The following LYRM4 variants were observed in gnomAD, a reference collection of about 807,000 sequenced individuals.
LYRM4 encodes LYR motif containing 4.
Under a neutral mutation model 11.7 loss-of-function variants are expected in LYRM4, and 9 were observed. The ratio of observed to expected loss-of-function variants is 0.77; its 90% confidence interval spans 0.46 to 1.34. LYRM4 has a LOEUF of 1.34. LYRM4 is among the 40% of genes most tolerant of loss of function. The probability of loss-of-function intolerance (pLI) is 0.00; values close to 1 mark genes in which losing one functional copy is unlikely to be tolerated. For synonymous variants in LYRM4, 42 were observed against 40.4 expected (o/e 1.04, Z -0.15); for missense variants, 133 against 112.5 (o/e 1.18, Z -0.82).
At chr6:5,143,891 TG>T (rs1757551660) in intron 2 of LYRM4, among the ~76,000 whole-genome samples, 1 of 152,160 alleles carries the variant, frequency 6.6e-6, no homozygotes, top group Non-Finnish European at 1.5e-5. Flanking sequence ...ATTGTATAAG[TG>T]ATTTATGTAT....
the LYRM4 span, among the ~76,000 whole-genome samples, chr6:5,079,531 C>T: frequency 6.6e-6 from 1 of 152,192 alleles, no homozygotes. Context: ...TGATCCCCTT[C>T]AATTCCCTAT....
At chr6:5,175,007 T>C (rs568281374) in intron 2 of LYRM4, among the ~76,000 whole-genome samples, 1 of 152,366 alleles carries the variant, frequency 6.6e-6, no homozygotes, top group South Asian at 2.1e-4. Context: ...GGATGCGGTC[T>C]ATTTATTGAG....
At chr6:5,037,890 C>G in the LYRM4 span, among the ~76,000 whole-genome samples, 2 of 49,078 alleles carry the variant, frequency 4.1e-5, 1 homozygote, top group Non-Finnish European at 9.2e-5. Context: ...TAGGGGCGGC[C>G]GGGCAAAGGC....
chr6:5,137,600 A>G (rs904347326), intron 2 of LYRM4, among the ~76,000 whole-genome samples: 10 of 152,218 alleles, frequency 6.6e-5, no homozygotes, highest in Admixed American at 6.5e-4. Flanking sequence ...AGTGTCCTTT[A>G]AATAATGACT....
chr6:5,118,101 T>TTTGTTTG lies in LYRM4; in HGVS notation c.208-8611_208-8610insCAAACAA, dbSNP rs749472370. ...AACAATATATATATATATATTTTTG[T>TTTGTTTG]TTTGTTTTGTTTTGTTTTTTTTTTT... On this transcript the variant is annotated intron_variant, in intron 2 of 2. Transcript: ENST00000330636. 5.7e-4 allele frequency among the ~76,000 whole-genome samples: 31 copies of TTTGTTTG among 54,860 alleles called. No homozygotes were observed. The South Asian group carries it at 9.0e-3, about 16-fold the overall frequency. 36.0% of individuals were successfully genotyped at this position (54,860 alleles called of 152,430 possible).
At chr6:5,086,704 T>A in the LYRM4 span, 1 of 704,944 alleles carries the variant, frequency 1.4e-6, no homozygotes, top group Non-Finnish European at 2.3e-6. Context: ...GGAGGGAGAC[T>A]TTGAACCGTC....
At chr6:5,226,109 G>T (rs1762877260) in intron 1 of LYRM4, among the ~76,000 whole-genome samples, 1 of 152,120 alleles carries the variant, frequency 6.6e-6, no homozygotes, top group African/African-American at 2.4e-5. Context: ...TATGTTTATG[G>T]TGCTTTTTAT....
At chr6:5,061,147 G>C in the LYRM4 span, among the ~76,000 whole-genome samples, 16 of 151,960 alleles carry the variant, frequency 1.1e-4, no homozygotes, top group African/African-American at 3.9e-4. Context: ...TTTTTGGTGA[G>C]GGATTATTTT....
At chr6:5,035,873 A>G in the LYRM4 span, among the ~76,000 whole-genome samples, 4 of 140,886 alleles carry the variant, frequency 2.8e-5, no homozygotes, top group African/African-American at 1.1e-4. Flanking sequence ...ATACTTCAAG[A>G]TATTTCTTAT....
At chr6:5,259,631 G>A (rs1014766641) in intron 1 of LYRM4, among the ~76,000 whole-genome samples, 1 of 152,190 alleles carries the variant, frequency 6.6e-6, no homozygotes, top group African/African-American at 2.4e-5. Context: ...CTGGAGGGGG[G>A]CCTACCTAAC....
chr6:5,119,275 G>C (rs961394426), intron 2 of LYRM4, among the ~76,000 whole-genome samples: 1 of 152,108 alleles, frequency 6.6e-6, no homozygotes, highest in African/African-American at 2.4e-5. Context: ...TTTCGTCTTT[G>C]CTTGTTGGGA....
chr6:5,047,478 A>G, the LYRM4 span, among the ~76,000 whole-genome samples: 1 of 152,176 alleles, frequency 6.6e-6, no homozygotes, highest in East Asian at 1.9e-4. Flanking sequence ...AGGTCTCCTC[A>G]TATTCCTTTG....
chr6:5,183,227 A>T (rs924170275), intron 2 of LYRM4, among the ~76,000 whole-genome samples: 2 of 152,202 alleles, frequency 1.3e-5, no homozygotes, highest in African/African-American at 4.8e-5. Flanking sequence ...AAATAAAAGT[A>T]CTGTGTTCTA....
intron 2 of LYRM4, among the ~76,000 whole-genome samples, chr6:5,194,022 T>C (rs2127695542): frequency 7.0e-6 from 1 of 141,866 alleles, no homozygotes; most frequent in Non-Finnish European, 1.5e-5. Context: ...GGTTTAGATC[T>C]TGTATTAGGC....
intron 2 of LYRM4, among the ~76,000 whole-genome samples, chr6:5,134,453 T>C (rs1276620312): frequency 6.6e-6 from 1 of 152,238 alleles, no homozygotes; most frequent in African/African-American, 2.4e-5. Context: ...TTGGTGATAT[T>C]TGTGAGACAT....
At chr6:5,053,640 A>AG in the LYRM4 span, among the ~76,000 whole-genome samples, 5 of 141,856 alleles carry the variant, frequency 3.5e-5, no homozygotes, top group African/African-American at 1.6e-4. Flanking sequence ...GCAAAAAAAA[A>AG]AAGAAAGAAA....
At chr6:5,163,615 C>A (rs1327774154) in intron 2 of LYRM4, among the ~76,000 whole-genome samples, 1 of 123,590 alleles carries the variant, frequency 8.1e-6, no homozygotes, top group Non-Finnish European at 1.6e-5. Context: ...CCCAGGACTG[C>A]ATTAATTTTT....
At chr6:5,079,461 A>G in the LYRM4 span, among the ~76,000 whole-genome samples, 1 of 152,198 alleles carries the variant, frequency 6.6e-6, no homozygotes. Flanking sequence ...CATCTTCTCA[A>G]TTGCTTCCAG....
At chr6:5,187,848 G>A (rs1760508966) in intron 2 of LYRM4, among the ~76,000 whole-genome samples, 1 of 151,634 alleles carries the variant, frequency 6.6e-6, no homozygotes, top group East Asian at 1.9e-4. Flanking sequence ...AAAAGAAGCT[G>A]TAAGGGAGTA....
Sources: gnomAD v4.1 joint callset for allele counts (sites outside exome capture counted in the v4.1 genomes callset) on GRCh38, gnomAD v4.1.1 for gene constraint, MANE v1.5 for transcripts, NCBI Gene and HGNC (gene_info 2026-07-23, HGNC 2026-07-21) for gene names.